The following EPB41L2 variants were observed in gnomAD, a reference collection of about 807,000 sequenced individuals.
EPB41L2 encodes the protein band 4.1-like protein 2.
EPB41L2 carries 43 observed loss-of-function variants against 113.0 expected under a neutral mutation model. That is an observed-to-expected ratio of 0.38 (90% CI 0.30 to 0.49). The LOEUF (loss-of-function observed/expected upper bound fraction) is 0.49, where lower values mean the gene tolerates loss of function less well. Ranked by LOEUF, EPB41L2 falls within the 20% of genes least tolerant of loss-of-function variation. EPB41L2 has a pLI of 0.95. For synonymous variants in EPB41L2, 442 were observed against 436.7 expected (o/e 1.01, Z -0.15); for missense variants, 1,147 against 1,223.4 (o/e 0.94, Z 0.93).
chr6:130,869,429 C>T, intron 15 of EPB41L2, 134 bp downstream of exon 15: 1 of 843,824 alleles, frequency 1.2e-6, no homozygotes, highest in East Asian at 2.7e-5. Flanking sequence ...CTTCCCCCTT[C>T]CTCCCATGAG....
intron 1 of EPB41L2, among the ~76,000 whole-genome samples, chr6:130,988,855 G>A (rs781004978): frequency 3.9e-5 from 6 of 152,186 alleles, no homozygotes; most frequent in Admixed American, 6.5e-5. Context: ...TTGGGAGGCC[G>A]AGGCAGGCGG....
intron 1 of EPB41L2, among the ~76,000 whole-genome samples, chr6:130,956,937 C>T (rs1817645357): frequency 6.6e-6 from 1 of 152,204 alleles, no homozygotes; most frequent in Non-Finnish European, 1.5e-5. Flanking sequence ...CAATGAGACA[C>T]ATTTCACTAC....
chr6:130,867,377 A>C (rs769213916), intron 16 of EPB41L2, 82 bp downstream of exon 16: 6 of 1,537,032 alleles, frequency 3.9e-6, no homozygotes, highest in East Asian at 2.3e-5. Context: ...AGAAACATGT[A>C]AACTAAGAGA....
At chr6:130,905,760 T>C (rs570896042) in intron 5 of EPB41L2, among the ~76,000 whole-genome samples, 1 of 152,262 alleles carries the variant, frequency 6.6e-6, no homozygotes, top group East Asian at 1.9e-4. Flanking sequence ...CCTTATGAGA[T>C]GTTTAATTTA....
In EPB41L2 at chr6:130,956,507, CA is replaced by C. The variant is rs747635103; in HGVS notation, c.-14-9del. ...TCATGGCCACAGCTTATGCTGTAAT[CA>C]AAACAAAAATCATAAAATGTCATTT... On this transcript the variant is annotated splice_polypyrimidine_tract_variant and intron_variant, in intron 1 of 19. Coordinates refer to ENST00000337057, the MANE Select transcript of EPB41L2 (RefSeq NM_001431.4). 5 of 1,570,202 alleles carry C rather than the reference CA, an allele frequency of 3.2e-6. No individual in the cohort carries two copies. The East Asian group carries it at 1.1e-4, about 35-fold the overall frequency.
chr6:130,880,012 C>A, intron 13 of EPB41L2, 132 bp downstream of exon 13: 1 of 641,474 alleles, frequency 1.6e-6, no homozygotes, highest in East Asian at 2.8e-5. Flanking sequence ...AACATGCACT[C>A]CCGAGCTGAA....
chr6:130,841,902 T>A (rs1328526852), intron 19 of EPB41L2, among the ~76,000 whole-genome samples: 2 of 152,172 alleles, frequency 1.3e-5, no homozygotes, highest in Non-Finnish European at 2.9e-5. Context: ...CAAAGGTAAG[T>A]GGAGAAGACT....
chr6:131,025,396 G>A (rs1790623460), intron 1 of EPB41L2, among the ~76,000 whole-genome samples: 2 of 152,060 alleles, frequency 1.3e-5, no homozygotes, highest in African/African-American at 2.4e-5. Context: ...TTTTAAAGAT[G>A]CTCAGAAAAA....
intron 18 of EPB41L2, among the ~76,000 whole-genome samples, chr6:130,859,289 A>G (rs369806316): frequency 3.3e-5 from 5 of 152,212 alleles, no homozygotes; most frequent in Non-Finnish European, 5.9e-5. Context: ...TGGGACGCCA[A>G]CGCGGGCGAT....
intron 1 of EPB41L2, among the ~76,000 whole-genome samples, chr6:130,999,815 G>A (rs1260877960): frequency 6.6e-6 from 1 of 152,172 alleles, no homozygotes; most frequent in Non-Finnish European, 1.5e-5. Flanking sequence ...AGATATTAGA[G>A]AATCAAAGAA....
chr6:130,845,780 T>C (rs563976335), intron 19 of EPB41L2, among the ~76,000 whole-genome samples: 15 of 152,338 alleles, frequency 9.8e-5, no homozygotes, highest in African/African-American at 2.6e-4. Context: ...TTAATTTTCC[T>C]ACATCTCAAG....
chr6:130,893,233 A>C (rs1158329943), intron 10 of EPB41L2, among the ~76,000 whole-genome samples: 1 of 152,194 alleles, frequency 6.6e-6, no homozygotes, highest in African/African-American at 2.4e-5. Context: ...AAAGGTACCC[A>C]CTAGGGAACA....
At chr6:130,883,613 A>G (rs982372392) in intron 12 of EPB41L2, among the ~76,000 whole-genome samples, 2 of 152,238 alleles carry the variant, frequency 1.3e-5, no homozygotes, top group Non-Finnish European at 2.9e-5. Context: ...CAAGTTAACT[A>G]GGCAAAATGG....
At chr6:130,947,767 A>G (rs879688663) in intron 3 of EPB41L2, among the ~76,000 whole-genome samples, 3 of 152,234 alleles carry the variant, frequency 2.0e-5, no homozygotes, top group Non-Finnish European at 2.9e-5. Context: ...AGGTCTGATG[A>G]GTAACAGACC....
At chr6:130,856,739 A>C (rs1300044643) in intron 19 of EPB41L2, among the ~76,000 whole-genome samples, 1 of 152,238 alleles carries the variant, frequency 6.6e-6, no homozygotes, top group Non-Finnish European at 1.5e-5. Context: ...AAGTAATCTT[A>C]GTATGTGTTA....
intron 1 of EPB41L2, among the ~76,000 whole-genome samples, chr6:131,025,485 C>A (rs748649216): frequency 6.6e-6 from 1 of 152,100 alleles, no homozygotes; most frequent in East Asian, 1.9e-4. Context: ...CTTGATCAAT[C>A]GGCAAAGTCA....
intron 19 of EPB41L2, among the ~76,000 whole-genome samples, chr6:130,855,743 A>C (rs1780036202): frequency 6.6e-6 from 1 of 152,220 alleles, no homozygotes; most frequent in African/African-American, 2.4e-5. Flanking sequence ...TTCTCCCCAT[A>C]TTGAACTACA....
Position 130,845,633 on chromosome 6 carries a change from A to C in EPB41L2, c.*6-5035T>G, listed in dbSNP as rs572782483. Among the ~76,000 whole-genome samples, 5 of 152,160 alleles carry C rather than the reference A, an allele frequency of 3.3e-5. No individual in the cohort carries two copies. In the East Asian group the frequency reaches 9.7e-4, roughly 29 times the overall value. On this transcript the variant is annotated intron_variant, in intron 19 of 19. Coordinates refer to ENST00000337057, the MANE Select transcript of EPB41L2 (RefSeq NM_001431.4). ...AGGCCTCAAGCAATCCTCTCACCTC[A>C]ACCTCCCAACGTGTTCGGATTACAG...
At chr6:130,863,828 C>T (rs1782893237) in intron 17 of EPB41L2, 110 bp from the exon 18 acceptor site, 2 of 655,660 alleles carry the variant, frequency 3.1e-6, no homozygotes, top group Non-Finnish European at 5.4e-6. Context: ...CATTGTAAGG[C>T]CACACACAAC....
Sources: gnomAD v4.1 joint callset for allele counts (sites outside exome capture counted in the v4.1 genomes callset) on GRCh38, gnomAD v4.1.1 for gene constraint, MANE v1.5 for transcripts, NCBI Gene and HGNC (gene_info 2026-07-23, HGNC 2026-07-21) for gene names.